The following SCARA3 variants were observed in gnomAD, a reference collection of about 807,000 sequenced individuals.
SCARA3 encodes the protein cellular stress response gene protein.
In SCARA3, 39 loss-of-function variants were observed where a neutral mutation model predicts 47.0. The observed-to-expected ratio is 0.83, with a 90% confidence interval of 0.64 to 1.08. SCARA3 has a LOEUF of 1.08. Among genes scored for constraint, SCARA3 ranks in the 50% least tolerant of loss-of-function variants. The probability of loss-of-function intolerance (pLI) is 0.00; values close to 1 mark genes in which losing one functional copy is unlikely to be tolerated. For synonymous variants in SCARA3, 356 were observed against 334.1 expected (o/e 1.07, Z -0.71); for missense variants, 724 against 792.3 (o/e 0.91, Z 1.04).
chr8:27,708,147 A>T, the SCARA3 span, among the ~76,000 whole-genome samples: 3 of 152,214 alleles, frequency 2.0e-5, no homozygotes, highest in African/African-American at 7.2e-5. Context: ...AGCAGACCTA[A>T]GGAATAGCCG....
chr8:27,649,919 C>G, intron 2 of SCARA3, 119 bp downstream of exon 2: 1 of 785,256 alleles, frequency 1.3e-6, no homozygotes. Flanking sequence ...GTGTCCTTTC[C>G]CCACTGCTTC....
At chr8:27,700,758 G>A in the SCARA3 span, among the ~76,000 whole-genome samples, 1 of 152,144 alleles carries the variant, frequency 6.6e-6, no homozygotes, top group Admixed American at 6.5e-5. Flanking sequence ...CCACTAGAAT[G>A]GCTAAAATTT....
At chr8:27,643,059 T>C (rs1333188095) in intron 1 of SCARA3, among the ~76,000 whole-genome samples, 3 of 152,082 alleles carry the variant, frequency 2.0e-5, no homozygotes, top group Non-Finnish European at 4.4e-5. Context: ...GCATTCGGGG[T>C]TGTCACAATG....
At chr8:27,686,142 T>C in the SCARA3 span, among the ~76,000 whole-genome samples, 1 of 152,168 alleles carries the variant, frequency 6.6e-6, no homozygotes, top group Admixed American at 6.5e-5. Context: ...TATTAGATTA[T>C]GTTAAGAAAT....
At chr8:27,670,874 C>T (rs1403367771) in intron 5 of SCARA3, 26 bp from the exon 6 acceptor site, 2 of 1,508,908 alleles carry the variant, frequency 1.3e-6, no homozygotes, top group Non-Finnish European at 1.8e-6. Context: ...ACAGACTGAC[C>T]TCTCCCATCT....
At chr8:27,648,044 C>T (rs1801545142) in intron 1 of SCARA3, among the ~76,000 whole-genome samples, 1 of 152,226 alleles carries the variant, frequency 6.6e-6, no homozygotes, top group Admixed American at 6.5e-5. Flanking sequence ...TTCTTGTCTA[C>T]CCGCTGACCT....
At chr8:27,640,338 C>T (rs1036490316) in intron 1 of SCARA3, among the ~76,000 whole-genome samples, 1 of 152,078 alleles carries the variant, frequency 6.6e-6, no homozygotes, top group Non-Finnish European at 1.5e-5. Context: ...TATGTTTGCA[C>T]AGATTTTTTT....
At chr8:27,714,257 G>A in the SCARA3 span, among the ~76,000 whole-genome samples, 1,294 of 144,586 alleles carry the variant, frequency 8.9e-3, 54 homozygotes, top group Admixed American at 0.081. Context: ...GTGCAGTGGC[G>A]CAATCTTAGC....
rs779346296 is a variant in SCARA3 at position 27,659,456 on chromosome 8, G to A, written c.1286G>A (p.Arg429Gln). 2.3e-5 allele frequency: 37 copies of A among 1,613,808 alleles called. No homozygotes were observed. The highest frequency in any genetic ancestry group is 1.4e-4 in the South Asian group (13 of 91,036). ...AGTGCCCGGCTGGACCTCAACGTCC[G>A]GAACCTCTCCATGATCGTGGAGGAG... ...LLSARLDLNV[R>Q]NLSMIVEEMK... Residue 429 changes from arginine (R) to glutamine (Q), a missense_variant, in exon 5 of 6, where the codon CGG becomes CAG. Transcript: ENST00000301904.
intron 1 of SCARA3, 56 bp downstream of exon 1, chr8:27,634,263 A>T: frequency 1.5e-6 from 2 of 1,299,328 alleles, no homozygotes; most frequent in South Asian, 5.5e-5. Flanking sequence ...CCCCCGCTCC[A>T]CCCAGGGCCT....
intron 5 of SCARA3, among the ~76,000 whole-genome samples, chr8:27,667,232 G>C (rs1047428361): frequency 1.3e-5 from 2 of 152,186 alleles, no homozygotes; most frequent in Non-Finnish European, 2.9e-5. Flanking sequence ...TCCCTAGCCA[G>C]ACCAGGTCAC....
chr8:27,676,693 C>T (rs1802283311), downstream of SCARA3: 1 of 734,314 alleles, frequency 1.4e-6, no homozygotes. Flanking sequence ...ACCTTAAGCA[C>T]ATATTATGCC....
intron 1 of SCARA3, among the ~76,000 whole-genome samples, chr8:27,637,897 C>T (rs1169507935): frequency 2.0e-5 from 3 of 152,018 alleles, no homozygotes; most frequent in African/African-American, 2.4e-5. Context: ...GAAAGCCTGA[C>T]CTCATTCCCC....
At chr8:27,638,727 C>G (rs1446049071) in intron 1 of SCARA3, among the ~76,000 whole-genome samples, 2 of 152,184 alleles carry the variant, frequency 1.3e-5, no homozygotes, top group African/African-American at 4.8e-5. Context: ...AGATGCTGCC[C>G]TTTCTCTCAG....
At chr8:27,726,531 T>C in the SCARA3 span, among the ~76,000 whole-genome samples, 1 of 152,072 alleles carries the variant, frequency 6.6e-6, no homozygotes, top group Non-Finnish European at 1.5e-5. Flanking sequence ...ACCCCGTCTC[T>C]ACTAAAAATA....
At chr8:27,701,567 CTCTCTTTCTT>C in the SCARA3 span, 1 of 151,508 alleles carries the variant, frequency 6.6e-6, no homozygotes, top group Middle Eastern at 3.3e-3. Flanking sequence ...TCCTTCCTTC[CTCTCTTTCTT>C]TCTCTTTCTC....
In SCARA3 at chr8:27,633,975, A is replaced by G. The variant is rs573063017; in HGVS notation, c.-226A>G. The G allele has an allele frequency of 7.2e-4, 160 of 223,276 alleles. No individual in the cohort carries two copies. Among genetic ancestry groups the G allele is most frequent in the African/African-American group, 3.4e-3 (146 of 42,944 alleles). The allele number at this position is 223,276 out of a possible 1,614,324, so 13.8% of individuals were successfully genotyped here. On this transcript the variant is annotated 5_prime_UTR_variant, in exon 1 of 6. An upstream open reading frame in the 5' UTR loses its in-frame stop. Transcript: ENST00000301904. ...GCTCTGGGCGGCGGGGCGCGGCGCT[A>G]GGCGCCCGGCGGGGCTTCCCCAGGC...
upstream of SCARA3, among the ~76,000 whole-genome samples, chr8:27,633,597 G>A (rs893216969): frequency 6.8e-6 from 1 of 148,030 alleles, no homozygotes; most frequent in Non-Finnish European, 1.5e-5. Flanking sequence ...GAGCTCTCCC[G>A]GTGAGCCCCC....
chr8:27,680,443 C>A (rs1270679952), downstream of SCARA3, among the ~76,000 whole-genome samples: 1 of 152,022 alleles, frequency 6.6e-6, no homozygotes, highest in Non-Finnish European at 1.5e-5. Flanking sequence ...GTTATACCAC[C>A]AAACTCAATA....
Sources: allele counts gnomAD v4.1 joint callset (sites outside exome capture counted in the v4.1 genomes callset), GRCh38; gene constraint gnomAD v4.1.1; transcripts MANE v1.5; gene names NCBI Gene and HGNC (gene_info 2026-07-23, HGNC 2026-07-21).